GLIS3: variants seen among roughly 807,000 people sequenced by gnomAD.
The protein encoded by GLIS3 is GLIS family zinc finger 3, also known as zinc finger protein GLIS3.
GLIS3 carries 53 observed loss-of-function variants against 78.6 expected under a neutral mutation model. The observed-to-expected ratio is 0.67, with a 90% CI of 0.54 to 0.85. GLIS3 has a LOEUF of 0.85. GLIS3 is among the 40% of genes least tolerant of loss of function. GLIS3 has a pLI of 0.00. For missense variants in GLIS3, 1,703 were observed against 1,231.1 expected, an observed-to-expected ratio of 1.38 and a Z score of -5.74; for synonymous variants, 684 against 509.9, an observed-to-expected ratio of 1.34 and a Z score of -4.60.
At chr9:4,183,530 T>G (rs1230634294) in intron 2 of GLIS3, among the ~76,000 whole-genome samples, 2 of 152,198 alleles carry the variant, frequency 1.3e-5, no homozygotes, top group Non-Finnish European at 2.9e-5. Flanking sequence ...CCTATGAATT[T>G]TTTTCTGAGC....
At chr9:4,354,263 C>G in the GLIS3 span, among the ~76,000 whole-genome samples, 1 of 152,168 alleles carries the variant, frequency 6.6e-6, no homozygotes, top group Non-Finnish European at 1.5e-5. Context: ...TGAGTACTTT[C>G]TCCAGCCAAA....
At chr9:4,234,392 T>A (rs1822531236) in intron 2 of GLIS3, among the ~76,000 whole-genome samples, 1 of 152,154 alleles carries the variant, frequency 6.6e-6, no homozygotes, top group Admixed American at 6.5e-5. Flanking sequence ...TTTTAAGGAA[T>A]ACAAGAGCAC....
At chr9:4,252,391 A>G (rs937215838) in intron 2 of GLIS3, among the ~76,000 whole-genome samples, 1 of 151,814 alleles carries the variant, frequency 6.6e-6, no homozygotes, top group Non-Finnish European at 1.5e-5. Context: ...CTTCCGCTTG[A>G]TCAATTCAGC....
At chr9:4,283,558 A>G (rs1251879163) in intron 2 of GLIS3, among the ~76,000 whole-genome samples, 2 of 151,804 alleles carry the variant, frequency 1.3e-5, no homozygotes, top group East Asian at 3.9e-4. Context: ...GAGCCATCGC[A>G]CCCCACCTAC....
chr9:4,325,571 T>G (rs1817586776), intron 2 of GLIS3, among the ~76,000 whole-genome samples: 1 of 152,190 alleles, frequency 6.6e-6, no homozygotes, highest in African/African-American at 2.4e-5. Flanking sequence ...ATATCCACAT[T>G]TCTACTAATA....
At chr9:4,464,766 T>C in the GLIS3 span, among the ~76,000 whole-genome samples, 1 of 152,084 alleles carries the variant, frequency 6.6e-6, no homozygotes, top group African/African-American at 2.4e-5. Context: ...AGGCAAATAA[T>C]ATAAGTGGTA....
chr9:4,449,616 C>T, the GLIS3 span, among the ~76,000 whole-genome samples: 4 of 152,168 alleles, frequency 2.6e-5, no homozygotes, highest in Non-Finnish European at 5.9e-5. Flanking sequence ...TGGGATGAAG[C>T]TTCCAGAGGA....
At chr9:4,184,833 G>C (rs867431622) in intron 2 of GLIS3, among the ~76,000 whole-genome samples, 1 of 152,114 alleles carries the variant, frequency 6.6e-6, no homozygotes, top group Non-Finnish European at 1.5e-5. Context: ...CTGAGGTTGT[G>C]CATCTGTCAA....
intron 2 of GLIS3, among the ~76,000 whole-genome samples, chr9:4,224,190 T>C (rs1391251033): frequency 6.6e-6 from 1 of 152,148 alleles, no homozygotes; most frequent in Non-Finnish European, 1.5e-5. Context: ...ACCCTGAGCC[T>C]TCACTCAACT....
chr9:4,320,404 A>G (rs958711217), intron 2 of GLIS3, among the ~76,000 whole-genome samples: 1 of 152,088 alleles, frequency 6.6e-6, no homozygotes, highest in East Asian at 1.9e-4. Flanking sequence ...CCTCAAACTG[A>G]ACTCTTACTT....
intron 2 of GLIS3, among the ~76,000 whole-genome samples, chr9:4,329,324 G>C (rs190065256): frequency 1.3e-5 from 2 of 152,170 alleles, no homozygotes; most frequent in Non-Finnish European, 2.9e-5. Flanking sequence ...ACTTTTCTCT[G>C]TTAGCTTGTT....
chr9:4,100,407 G>C (rs1830279250), intron 4 of GLIS3, among the ~76,000 whole-genome samples: 1 of 152,068 alleles, frequency 6.6e-6, no homozygotes, highest in Non-Finnish European at 1.5e-5. Flanking sequence ...CAACAACATA[G>C]GATAAAAGAC....
intron 2 of GLIS3, among the ~76,000 whole-genome samples, chr9:4,133,094 G>C (rs1032473547): frequency 6.6e-6 from 1 of 152,174 alleles, no homozygotes; most frequent in Non-Finnish European, 1.5e-5. Flanking sequence ...TAGAACATTA[G>C]ATAAAGTTGA....
intron 4 of GLIS3, among the ~76,000 whole-genome samples, chr9:4,094,801 A>G (rs2130772574): frequency 6.6e-6 from 1 of 152,330 alleles, no homozygotes; most frequent in South Asian, 2.1e-4. Flanking sequence ...TAGCCACTTG[A>G]AGTTATTTGG....
At chr9:4,225,704 T>C (rs1389733850) in intron 2 of GLIS3, among the ~76,000 whole-genome samples, 1 of 152,174 alleles carries the variant, frequency 6.6e-6, no homozygotes, top group Non-Finnish European at 1.5e-5. Flanking sequence ...GTTCAAACCA[T>C]ATTAATTTCC....
intron 4 of GLIS3, among the ~76,000 whole-genome samples, chr9:4,016,381 C>A (rs1451356698): frequency 6.6e-6 from 1 of 152,142 alleles, no homozygotes; most frequent in Admixed American, 6.5e-5. Context: ...CATAGTGGGA[C>A]CTTAAGTTTT....
intron 6 of GLIS3, among the ~76,000 whole-genome samples, chr9:3,923,236 T>C (rs13284129): frequency 0.045 from 6,876 of 152,336 alleles, 190 homozygotes; most frequent in Non-Finnish European, 0.06. Flanking sequence ...ATCACAGATC[T>C]GACCACTGTA....
upstream of GLIS3, among the ~76,000 whole-genome samples, chr9:4,349,920 G>A (rs1817943172): frequency 6.6e-6 from 1 of 152,230 alleles, no homozygotes; most frequent in Non-Finnish European, 1.5e-5. Context: ...TGTGGGGCCT[G>A]TCCTGGCAAG....
the GLIS3 span, among the ~76,000 whole-genome samples, chr9:4,480,929 C>T: frequency 6.6e-6 from 1 of 151,442 alleles, no homozygotes; most frequent in South Asian, 2.1e-4. Context: ...TCTCAGCTTA[C>T]TGGAGGTCCG....
Sources: allele counts gnomAD v4.1 joint callset (sites outside exome capture counted in the v4.1 genomes callset), GRCh38; gene constraint gnomAD v4.1.1; transcripts MANE v1.5; gene names NCBI Gene and HGNC (gene_info 2026-07-23, HGNC 2026-07-21).